The following DNMT3A variants were observed in gnomAD, a reference collection of about 807,000 sequenced individuals.
The protein encoded by DNMT3A is DNA (cytosine-5)-methyltransferase 3A.
DNMT3A carries 267 observed loss-of-function variants against 117.6 expected under a neutral mutation model. The ratio of observed to expected loss-of-function variants is 2.27; its 90% confidence interval spans 2.05 to 2.51. DNMT3A has a LOEUF of 2.51. Ranked by LOEUF, DNMT3A falls within the 30% of genes most tolerant of loss-of-function variation. DNMT3A has a pLI of 0.00. For missense variants in DNMT3A, 1,029 were observed against 1,260.2 expected (o/e 0.82, Z 2.78); for synonymous variants, 432 against 474.8 (o/e 0.91, Z 1.17).
intron 13 of DNMT3A, 69 bp downstream of exon 13, chr2:25,245,184 G>A (rs986619627): frequency 2.2e-5 from 33 of 1,466,704 alleles, no homozygotes; most frequent in Middle Eastern, 1.7e-4. Flanking sequence ...CAGAAGCGGT[G>A]GACACAGTCA....
At position 25,240,415 on chromosome 2, in the gene DNMT3A, G is replaced by C. The variant is rs1340822377; in HGVS notation, c.2209C>G (p.Leu737Val). 1 of 1,613,114 alleles carries C rather than the reference G, an allele frequency of 6.2e-7. No homozygotes were observed. The highest frequency in any genetic ancestry group is 8.5e-7 in the Non-Finnish European group (1 of 1,179,608). Reference sequence around the variant, plus strand: ...TCCTTGGGCCGCGCATCATGCAGGAGGCGGTAGAACTCAAAGAAGAGCCGG... The same window carrying C: ...TCCTTGGGCCGCGCATCATGCAGGACGCGGTAGAACTCAAAGAAGAGCCGG... ...TGRLFFEFYR[L>V]LHDARPKEGD... The change falls in exon 19 of 23, where the codon CTC becomes GTC. Residue 737 changes from leucine (L) to valine (V), a missense_variant. Physicochemically the swap from Leu to Val is conservative, Grantham distance 32. Transcript: ENST00000321117.
chr2:25,249,673 T>C, intron 6 of DNMT3A: 1 of 1,614,222 alleles, frequency 6.2e-7, no homozygotes, highest in Non-Finnish European at 8.5e-7. Flanking sequence ...ACACTCGTCT[T>C]TCAGGCTACG....
intron 2 of DNMT3A, among the ~76,000 whole-genome samples, chr2:25,300,920 G>C (rs2033477603): frequency 6.7e-6 from 1 of 150,096 alleles, no homozygotes; most frequent in Non-Finnish European, 1.5e-5. Flanking sequence ...ATATGAGAAA[G>C]CTTTTGTTCA....
At chr2:25,328,359 G>A (rs934496463) in intron 1 of DNMT3A, among the ~76,000 whole-genome samples, 1 of 151,966 alleles carries the variant, frequency 6.6e-6, no homozygotes, top group Non-Finnish European at 1.5e-5. Context: ...TCCAGGCCCG[G>A]CTGCTGTCCC....
chr2:25,282,565 C>T lies in DNMT3A; in HGVS notation c.324G>A (p.Gly108=), dbSNP rs1233581130. Residue 108 remains glycine (G), a synonymous_variant, in exon 4 of 23, where the codon GGG becomes GGA. Coordinates refer to ENST00000321117, the MANE Select transcript of DNMT3A (RefSeq NM_022552.5). This position sits in a 1 kb window ranked among gnomAD's most constrained non-coding sequence, Gnocchi z 5.2. Reference sequence around the variant, plus strand: ...CTGCTGGGGCCCCGCCCTTCTGCCCCCCAGCAGGGCTCCCCTCCTCTGGCT... The same window carrying T: ...CTGCTGGGGCCCCGCCCTTCTGCCCTCCAGCAGGGCTCCCCTCCTCTGGCT... ...EPQPEEGSPA[G]GQKGGAPAEG... 2 of 1,613,542 alleles carry T rather than the reference C, an allele frequency of 1.2e-6. No individual in the cohort carries two copies. The highest frequency in any genetic ancestry group is 1.1e-5 in the South Asian group (1 of 91,030).
chr2:25,241,044 A>G (rs1341137380), intron 17 of DNMT3A, among the ~76,000 whole-genome samples: 1 of 152,198 alleles, frequency 6.6e-6, no homozygotes, highest in Non-Finnish European at 1.5e-5. Flanking sequence ...TGTCTTAGGC[A>G]GGGTGTCTGG....
Position 25,233,071 on chromosome 2 carries a change from C to G in DNMT3A, c.*1208G>C, listed in dbSNP as rs180811074. The G allele has an allele frequency of 2.1e-5, 5 of 233,570 alleles. No individual in the cohort carries two copies. The highest frequency in any genetic ancestry group is 6.0e-5 in the East Asian group (1 of 16,740). 14.5% of individuals were successfully genotyped at this position (233,570 alleles called of 1,614,324 possible). On this transcript the variant is annotated 3_prime_UTR_variant, in exon 23 of 23. Coordinates refer to ENST00000321117, the MANE Select transcript of DNMT3A (RefSeq NM_022552.5). ...TTCTGATCCCACCACAAGGAGCCCT[C>G]GAATTGGCTAAAGTGAGAAACTGGG...
chr2:25,285,741 C>T (rs1394133870), intron 3 of DNMT3A, among the ~76,000 whole-genome samples: 1 of 152,220 alleles, frequency 6.6e-6, no homozygotes, highest in African/African-American at 2.4e-5. Context: ...GAACTCAGAA[C>T]ACCTCTCCTC....
In DNMT3A at chr2:25,252,096, C is replaced by T. The variant is rs1675637245; in HGVS notation, c.640-3844G>A. 5 of 1,479,560 alleles carry T rather than the reference C, an allele frequency of 3.4e-6. No homozygotes were observed. Among genetic ancestry groups the T allele is most frequent in the Middle Eastern group, 1.8e-4 (1 of 5,714 alleles). 91.7% of individuals were successfully genotyped at this position (1,479,560 alleles called of 1,614,324 possible). A position where few individuals can be genotyped will look rare whatever the true frequency, so the allele number is the denominator to read the frequency against. Reference sequence around the variant, plus strand: ...GGCTGCTGCGGGCCGGGGAGGCATACTTCACTCTTTTCAAACCCGGAGGGC... The same window carrying T: ...GGCTGCTGCGGGCCGGGGAGGCATATTTCACTCTTTTCAAACCCGGAGGGC... On this transcript the variant is annotated intron_variant, in intron 6 of 22. Coordinates refer to ENST00000321117, the MANE Select transcript of DNMT3A (RefSeq NM_022552.5). The surrounding 1 kb of genome is among the most constrained non-coding windows in gnomAD (Gnocchi z 5.5).
chr2:25,247,591 C>G lies in DNMT3A; in HGVS notation c.1014G>C (p.Val338=), dbSNP rs769561253. The change falls in exon 8 of 23, where the codon GTG becomes GTC. Residue 338 remains valine (V), a splice_region_variant and synonymous_variant. Coordinates refer to ENST00000321117, the MANE Select transcript of DNMT3A (RefSeq NM_022552.5). The surrounding 1 kb of genome is among the most constrained non-coding windows in gnomAD (Gnocchi z 5.6). ...GCTACTGCCAAACCCCACAACTTAC[C>G]ACTGAGAATTTGCCGTCTCCGAACC... is the stretch of plus-strand genomic sequence containing the variant. ...VMWFGDGKFS[V]VCVEKLMPLS... is the part of the protein sequence containing the mutation. 1.2e-6 allele frequency: 2 copies of G among 1,613,912 alleles called. No homozygotes were observed. The highest frequency in any genetic ancestry group is 1.7e-6 in the Non-Finnish European group (2 of 1,179,888).
chr2:25,273,633 G>A (rs1018231288), intron 6 of DNMT3A, among the ~76,000 whole-genome samples: 6 of 152,160 alleles, frequency 3.9e-5, no homozygotes, highest in African/African-American at 7.2e-5. Context: ...TGTGCGTGGC[G>A]AGTTGATTTC....
At chr2:25,289,541 A>G (rs2032589253) in intron 3 of DNMT3A, among the ~76,000 whole-genome samples, 1 of 152,148 alleles carries the variant, frequency 6.6e-6, no homozygotes, top group South Asian at 2.1e-4. Flanking sequence ...CGCTTTTCTG[A>G]GGCCTGCCTT....
At chr2:25,242,216 A>G (rs567523148) in intron 16 of DNMT3A, among the ~76,000 whole-genome samples, 39 of 151,770 alleles carry the variant, frequency 2.6e-4, no homozygotes, top group Non-Finnish European at 4.7e-4. Flanking sequence ...CCTCCCCATC[A>G]GAGCAGTTTC....
intron 16 of DNMT3A, among the ~76,000 whole-genome samples, chr2:25,243,400 C>A (rs558343053): frequency 6.6e-6 from 1 of 152,112 alleles, no homozygotes. Context: ...CATTCACTAC[C>A]CACTTAATTT....
In DNMT3A at chr2:25,247,817, G is replaced by A. The variant is rs1675013209; in HGVS notation, c.856-68C>T. ...GGCCCTGCCACCCTGATCCCCCCATGGCAACCCCAGCCCTGGGCATCTGGG... is the reference window on the plus strand; with the variant it reads ...GGCCCTGCCACCCTGATCCCCCCATAGCAACCCCAGCCCTGGGCATCTGGG... On this transcript the variant is annotated intron_variant, in intron 7 of 22. Transcript: ENST00000321117. This position sits in a 1 kb window ranked among gnomAD's most constrained non-coding sequence, Gnocchi z 5.6. The A allele has an allele frequency of 1.9e-6, 3 of 1,580,996 alleles. No individual in the cohort carries two copies. The highest frequency in any genetic ancestry group is 1.7e-5 in the Admixed American group (1 of 57,544).
intron 6 of DNMT3A, among the ~76,000 whole-genome samples, chr2:25,270,371 G>A (rs968476227): frequency 6.6e-6 from 1 of 152,164 alleles, no homozygotes; most frequent in Admixed American, 6.5e-5. Flanking sequence ...ATCCTATCAT[G>A]GGAAAACTAG....
intron 2 of DNMT3A, among the ~76,000 whole-genome samples, chr2:25,302,689 C>T (rs1008766785): frequency 2.6e-5 from 4 of 152,160 alleles, no homozygotes; most frequent in Admixed American, 2.0e-4. Flanking sequence ...CCCAGACCCC[C>T]GAGTGTAAGA....
At chr2:25,335,395 C>T (rs1379375968) in intron 1 of DNMT3A, among the ~76,000 whole-genome samples, 1 of 152,238 alleles carries the variant, frequency 6.6e-6, no homozygotes, top group African/African-American at 2.4e-5. Context: ...CTGTGTCTCC[C>T]GGGGTCCTCC....
chr2:25,274,992 G>A lies in DNMT3A; in HGVS notation c.588C>T (p.Tyr196=), dbSNP rs1367140915. 1 of 1,613,908 alleles carries A rather than the reference G, an allele frequency of 6.2e-7. No homozygotes were observed. Among genetic ancestry groups the A allele is most frequent in the Non-Finnish European group, 8.5e-7 (1 of 1,179,958 alleles). The change falls in exon 6 of 23, where the codon TAC becomes TAT. Residue 196 remains tyrosine (Y), a synonymous_variant. Coordinates refer to ENST00000321117, the MANE Select transcript of DNMT3A (RefSeq NM_022552.5). ...PRLTFQAGDP[Y]YISKRKRDEW... ...CGTCCCGCTTGCGCTTGCTGATGTA[G>A]TAGGGGTCCCCCGCCTGGAAGGTGA...
Sources: gnomAD v4.1 joint callset for allele counts (sites outside exome capture counted in the v4.1 genomes callset) on GRCh38, gnomAD v4.1.1 for gene constraint, Gnocchi (gnomAD v3.1) non-coding constraint, MANE v1.5 for transcripts, NCBI Gene and HGNC (gene_info 2026-07-23, HGNC 2026-07-21) for gene names.